IL1RAPL2: variants seen among roughly 807,000 people sequenced by gnomAD.
The protein encoded by IL1RAPL2 is interleukin 1 receptor accessory protein like 2, also known as X-linked interleukin-1 receptor accessory protein-like 2.
Under a neutral mutation model 44.1 loss-of-function variants are expected in IL1RAPL2, and 3 were observed. That is an observed-to-expected ratio of 0.07 (90% confidence interval 0.03 to 0.18). The LOEUF is 0.18. Among genes scored for constraint, IL1RAPL2 ranks in the 10% least tolerant of loss-of-function variants. The pLI is 1.00. For synonymous variants in IL1RAPL2, 181 were observed against 178.8 expected, an observed-to-expected ratio of 1.01 and a Z score of -0.10; for missense variants, 391 against 496.4, an observed-to-expected ratio of 0.79 and a Z score of 2.02.
At chrX:105,612,560 C>G (rs1340657851) in intron 6 of IL1RAPL2, among the ~76,000 whole-genome samples, 1 of 112,345 alleles carries the variant, frequency 8.9e-6, no homozygotes, top group Non-Finnish European at 1.9e-5. Context: ...CAAGTGAGTA[C>G]TTACAGTACC....
chrX:105,484,502 G>T, intron 6 of IL1RAPL2, 115 bp downstream of exon 6: 1 of 529,697 alleles, frequency 1.9e-6, no homozygotes, highest in South Asian at 2.7e-5. Context: ...AAATCAATTT[G>T]TGTTCTGCTC....
intron 2 of IL1RAPL2, among the ~76,000 whole-genome samples, chrX:104,764,181 C>T (rs1414822355): frequency 1.0e-5 from 1 of 99,475 alleles, no homozygotes; most frequent in South Asian, 4.7e-4. Context: ...ACTGATTTTT[C>T]CAATCTATGA....
intron 3 of IL1RAPL2, among the ~76,000 whole-genome samples, chrX:105,233,421 T>C (rs1375430976): frequency 2.7e-5 from 3 of 112,469 alleles, no homozygotes; most frequent in Non-Finnish European, 5.6e-5. Context: ...AAACTATCCC[T>C]GTAGTAACTG....
intron 2 of IL1RAPL2, among the ~76,000 whole-genome samples, chrX:105,194,676 A>G (rs1034778973): frequency 1.8e-5 from 2 of 111,980 alleles, no homozygotes; most frequent in Non-Finnish European, 3.8e-5. Flanking sequence ...AAATTGACCT[A>G]TGATTAAATA....
chrX:105,453,253 G>A (rs2036031828), intron 5 of IL1RAPL2, among the ~76,000 whole-genome samples: 1 of 111,928 alleles, frequency 8.9e-6, no homozygotes, highest in South Asian at 3.7e-4. Context: ...TTGACACAGG[G>A]TAAACTCTTG....
chrX:105,424,253 A>C (rs2035793131), intron 5 of IL1RAPL2, among the ~76,000 whole-genome samples: 1 of 112,047 alleles, frequency 8.9e-6, no homozygotes, highest in African/African-American at 3.2e-5. Context: ...TGAGACATAA[A>C]TCAACATATG....
chrX:104,944,462 A>G (rs1317352490), intron 2 of IL1RAPL2, among the ~76,000 whole-genome samples: 1 of 112,202 alleles, frequency 8.9e-6, no homozygotes, highest in Non-Finnish European at 1.9e-5. Context: ...AGAAAGCAAA[A>G]TAATATATGT....
chrX:105,175,202 T>TA (rs891463202), intron 2 of IL1RAPL2, among the ~76,000 whole-genome samples: 2 of 111,514 alleles, frequency 1.8e-5, no homozygotes, highest in Admixed American at 9.6e-5. Context: ...ATAAATCACT[T>TA]AAACTTGACA....
At chrX:105,669,514 TC>T (rs1282794093) in intron 6 of IL1RAPL2, among the ~76,000 whole-genome samples, 2 of 111,716 alleles carry the variant, frequency 1.8e-5, no homozygotes, top group East Asian at 5.6e-4. Flanking sequence ...CTCTTCTTTT[TC>T]CACCCAAAGC....
chrX:105,093,194 A>AACAC (rs748741070), intron 2 of IL1RAPL2, among the ~76,000 whole-genome samples: 32 of 107,117 alleles, frequency 3.0e-4, no homozygotes, highest in African/African-American at 1.0e-3. Context: ...CACACACAGA[A>AACAC]ACACACACAC....
chrX:104,855,379 G>T (rs1325937457), intron 2 of IL1RAPL2, among the ~76,000 whole-genome samples: 2 of 111,138 alleles, frequency 1.8e-5, no homozygotes, highest in Non-Finnish European at 3.8e-5. Context: ...AGGAAGGAAT[G>T]GGGTAAGGGA....
chrX:104,916,859 G>A (rs1477986469), intron 2 of IL1RAPL2, among the ~76,000 whole-genome samples: 1 of 111,399 alleles, frequency 9.0e-6, no homozygotes, highest in Non-Finnish European at 1.9e-5. Flanking sequence ...CTGTTTATAT[G>A]CTGGATTACA....
intron 5 of IL1RAPL2, among the ~76,000 whole-genome samples, chrX:105,386,739 CTTG>C (rs2035479192): frequency 9.0e-6 from 1 of 111,644 alleles, no homozygotes; most frequent in South Asian, 3.7e-4. Context: ...AATATACTGT[CTTG>C]TTGTGGCTTT....
At chrX:105,019,449 A>T (rs2147745706) in intron 2 of IL1RAPL2, among the ~76,000 whole-genome samples, 1 of 111,812 alleles carries the variant, frequency 8.9e-6, no homozygotes, top group Non-Finnish European at 1.9e-5. Context: ...ATTAGCAATT[A>T]GAAAGTCAGT....
chrX:104,628,252 G>A (rs2148010711), intron 1 of IL1RAPL2, among the ~76,000 whole-genome samples: 1 of 110,468 alleles, frequency 9.1e-6, no homozygotes, highest in East Asian at 2.9e-4. Context: ...GTTAATTATA[G>A]TCACCCTACT....
Position 105,534,001 on chromosome X carries a change from G to A in IL1RAPL2, c.772+49614G>A, listed in dbSNP as rs150712388. Among the ~76,000 whole-genome samples the A allele has an allele frequency of 3.6e-3, 404 of 112,184 alleles. 1 individual carries two copies. Among genetic ancestry groups the A allele is most frequent in the African/African-American group, 0.012 (377 of 30,882 alleles). On this transcript the variant is annotated intron_variant, in intron 6 of 10. Transcript: ENST00000372582. Reference sequence around the variant, plus strand: ...AGATATAGATTATGGCTAACATTTTGTTATTAGTAAAAATTATTCAGTGAT... The same window carrying A: ...AGATATAGATTATGGCTAACATTTTATTATTAGTAAAAATTATTCAGTGAT...
intron 2 of IL1RAPL2, among the ~76,000 whole-genome samples, chrX:105,017,220 GTCTA>G (rs776065002): frequency 4.7e-4 from 51 of 109,572 alleles, no homozygotes; most frequent in Non-Finnish European, 8.2e-4. Flanking sequence ...CTGTCTAGTG[GTCTA>G]TCTATTTGTT....
intron 6 of IL1RAPL2, among the ~76,000 whole-genome samples, chrX:105,691,463 A>G: frequency 8.9e-6 from 1 of 111,965 alleles, no homozygotes; most frequent in East Asian, 2.8e-4. Context: ...AGATCACTAA[A>G]TAGTCATACC....
At chrX:104,594,340 A>G (rs774287369) in intron 1 of IL1RAPL2, among the ~76,000 whole-genome samples, 9 of 112,052 alleles carry the variant, frequency 8.0e-5, no homozygotes, top group Non-Finnish European at 1.3e-4. Context: ...TTGTACATAC[A>G]TTAATATTTA....
Sources: gnomAD v4.1 joint callset for allele counts (sites outside exome capture counted in the v4.1 genomes callset) on GRCh38, gnomAD v4.1.1 for gene constraint, MANE v1.5 for transcripts, NCBI Gene and HGNC (gene_info 2026-07-23, HGNC 2026-07-21) for gene names.